PTPRD: variants seen among roughly 807,000 people sequenced by gnomAD.
PTPRD encodes the protein receptor-type tyrosine-protein phosphatase delta.
PTPRD carries 34 observed loss-of-function variants against 214.5 expected under a neutral mutation model. That is an observed-to-expected ratio of 0.16 (90% CI 0.12 to 0.21). The LOEUF (loss-of-function observed/expected upper bound fraction) is 0.21, where lower values mean the gene tolerates loss of function less well. PTPRD is among the 10% of genes least tolerant of loss of function. The pLI, the probability that PTPRD is intolerant of heterozygous loss-of-function variation, is 1.00. For synonymous variants in PTPRD, 1,128 were observed against 845.7 expected (o/e 1.33, Z -5.79); for missense variants, 2,545 against 2,398.7 (o/e 1.06, Z -1.27).
At chr9:8,725,340 G>A (rs1037605804) in intron 12 of PTPRD, among the ~76,000 whole-genome samples, 1 of 152,094 alleles carries the variant, frequency 6.6e-6, no homozygotes, top group African/African-American at 2.4e-5. Flanking sequence ...TAGGGGCAGG[G>A]ATCATATTGC....
chr9:8,678,198 G>A (rs2097474070), intron 12 of PTPRD, among the ~76,000 whole-genome samples: 1 of 152,144 alleles, frequency 6.6e-6, no homozygotes, highest in Non-Finnish European at 1.5e-5. Context: ...GAGTGAACAA[G>A]GTCAAATCCA....
chr9:8,877,936 C>A (rs1329328102), intron 11 of PTPRD, among the ~76,000 whole-genome samples: 1 of 152,144 alleles, frequency 6.6e-6, no homozygotes, highest in African/African-American at 2.4e-5. Flanking sequence ...AAGTGTTGCT[C>A]ATGACCCACT....
chr9:9,712,412 T>C (rs1273033661), intron 7 of PTPRD, among the ~76,000 whole-genome samples: 2 of 152,214 alleles, frequency 1.3e-5, no homozygotes, highest in African/African-American at 2.4e-5. Context: ...AAAATTATTT[T>C]ACTTTTTACT....
rs372528195 is a variant in PTPRD at position 8,328,443 on chromosome 9, C to G, written c.5534+3139G>C. 7.9e-4 allele frequency among the ~76,000 whole-genome samples: 121 copies of G among 152,226 alleles called. 1 individual carries two copies. Among genetic ancestry groups the G allele is most frequent in the African/African-American group, 2.6e-3 (110 of 41,536 alleles). ...ACGCCGACATTTGTCTCTGGCTGCCCTTAACATTTTTTCCTTCGTTTCAAG... is the reference window on the plus strand; with the variant it reads ...ACGCCGACATTTGTCTCTGGCTGCCGTTAACATTTTTTCCTTCGTTTCAAG... On this transcript the variant is annotated intron_variant, in intron 44 of 45. Coordinates refer to ENST00000381196, the MANE Select transcript of PTPRD (RefSeq NM_002839.4).
intron 7 of PTPRD, among the ~76,000 whole-genome samples, chr9:9,609,108 C>T (rs574165769): frequency 6.6e-6 from 1 of 152,252 alleles, no homozygotes; most frequent in Middle Eastern, 3.4e-3. Flanking sequence ...ATTGGACTTA[C>T]AATTTGTGCA....
chr9:9,274,222 G>C (rs1469170271), intron 9 of PTPRD, among the ~76,000 whole-genome samples: 1 of 151,084 alleles, frequency 6.6e-6, no homozygotes, highest in Non-Finnish European at 1.5e-5. Flanking sequence ...CCTTGTACAT[G>C]GTATAACATA....
At chr9:9,628,038 A>G (rs773729269) in intron 7 of PTPRD, among the ~76,000 whole-genome samples, 37 of 152,162 alleles carry the variant, frequency 2.4e-4, no homozygotes, top group Non-Finnish European at 5.3e-4. Context: ...ATATTTGTAT[A>G]TTTGCATTTA....
intron 14 of PTPRD, among the ~76,000 whole-genome samples, chr9:8,630,079 T>C (rs1251744801): frequency 1.3e-5 from 2 of 151,812 alleles, no homozygotes; most frequent in South Asian, 2.1e-4. Context: ...TTGTGTGAGA[T>C]AAATCAATGA....
intron 8 of PTPRD, among the ~76,000 whole-genome samples, chr9:9,499,266 C>G (rs7038918): frequency 0.11 from 16,066 of 151,936 alleles, 887 homozygotes; most frequent in South Asian, 0.16. Context: ...GATGAAGAAA[C>G]AACTTCTGAA....
intron 11 of PTPRD, among the ~76,000 whole-genome samples, chr9:8,904,569 G>A (rs934074442): frequency 1.3e-5 from 2 of 151,878 alleles, no homozygotes; most frequent in Admixed American, 6.6e-5. Context: ...CTACTCTGGA[G>A]GCTGAGGCAT....
At chr9:10,264,614 G>C (rs1192628105) in intron 3 of PTPRD, among the ~76,000 whole-genome samples, 1 of 152,078 alleles carries the variant, frequency 6.6e-6, no homozygotes, top group African/African-American at 2.4e-5. Context: ...ACTTGCTTTT[G>C]ATTTTACAGC....
At position 8,507,449 on chromosome 9, in the gene PTPRD, G is replaced by A. The variant is rs1163164848; in HGVS notation, c.1544-15C>T. 8.1e-6 allele frequency: 13 copies of A among 1,613,490 alleles called. No individual in the cohort carries two copies. The highest frequency in any genetic ancestry group is 1.1e-5 in the Non-Finnish European group (13 of 1,179,550). ...CTGCCCTGGTACTAAAAACAGGGAG[G>A]CAATGGATTGAACTCACAATCACCA... On this transcript the variant is annotated splice_polypyrimidine_tract_variant and intron_variant, in intron 21 of 45. Coordinates refer to ENST00000381196, the MANE Select transcript of PTPRD (RefSeq NM_002839.4).
At chr9:9,192,492 A>G (rs1037571076) in intron 9 of PTPRD, among the ~76,000 whole-genome samples, 9 of 152,134 alleles carry the variant, frequency 5.9e-5, no homozygotes, top group Non-Finnish European at 7.4e-5. Context: ...TTTAATCCCA[A>G]CAGAAATTTC....
intron 3 of PTPRD, among the ~76,000 whole-genome samples, chr9:10,109,452 T>A (rs2098669697): frequency 1.3e-5 from 2 of 152,176 alleles, no homozygotes; most frequent in African/African-American, 4.8e-5. Flanking sequence ...CAAATCCTAT[T>A]GTACTCAAAT....
intron 5 of PTPRD, among the ~76,000 whole-genome samples, chr9:9,882,008 G>C (rs889458314): frequency 1.3e-5 from 2 of 152,032 alleles, no homozygotes; most frequent in African/African-American, 4.8e-5. Context: ...ACCATGGATT[G>C]TATAGTGTAA....
chr9:10,338,534 ACTTT>A (rs1214623431), intron 3 of PTPRD, among the ~76,000 whole-genome samples: 2 of 151,722 alleles, frequency 1.3e-5, no homozygotes, highest in Non-Finnish European at 2.9e-5. Flanking sequence ...GCCTATTTTG[ACTTT>A]TATCACATCT....
chr9:9,878,441 A>G (rs2067564283), intron 5 of PTPRD, among the ~76,000 whole-genome samples: 1 of 152,216 alleles, frequency 6.6e-6, no homozygotes, highest in Non-Finnish European at 1.5e-5. Flanking sequence ...CTTGCAGAGA[A>G]GACTAAGGAG....
intron 8 of PTPRD, among the ~76,000 whole-genome samples, chr9:9,449,874 C>T (rs1315291766): frequency 1.3e-5 from 2 of 151,782 alleles, no homozygotes; most frequent in South Asian, 4.1e-4. Context: ...GGTCTTTTAT[C>T]CCTCACTCCA....
At chr9:8,399,849 G>C (rs2092065516) in intron 36 of PTPRD, among the ~76,000 whole-genome samples, 1 of 152,156 alleles carries the variant, frequency 6.6e-6, no homozygotes. Flanking sequence ...ACATATATTA[G>C]TATTTTGAAT....
Sources: gnomAD v4.1 joint callset for allele counts (sites outside exome capture counted in the v4.1 genomes callset) on GRCh38, gnomAD v4.1.1 for gene constraint, MANE v1.5 for transcripts, NCBI Gene and HGNC (gene_info 2026-07-23, HGNC 2026-07-21) for gene names.